The following PHACTR1 variants were observed in gnomAD, a reference collection of about 807,000 sequenced individuals.
The protein encoded by PHACTR1 is phosphatase and actin regulator 1.
PHACTR1 carries 16 observed loss-of-function variants against 69.2 expected under a neutral mutation model. That is an observed-to-expected ratio of 0.23 (90% CI 0.16 to 0.35). PHACTR1 has a LOEUF of 0.35. PHACTR1 is among the 10% of genes least tolerant of loss of function. PHACTR1 has a pLI of 1.00. For missense variants in PHACTR1, 510 were observed against 734.7 expected, an observed-to-expected ratio of 0.69 and a Z score of 3.54; for synonymous variants, 312 against 284.5, an observed-to-expected ratio of 1.10 and a Z score of -0.97.
At chr6:13,168,466 G>A (rs9473572) in intron 6 of PHACTR1, among the ~76,000 whole-genome samples, 9,231 of 152,190 alleles carry the variant, frequency 0.061, 760 homozygotes, top group African/African-American at 0.18. Context: ...TTCATTATAT[G>A]TCTGTGAGTG....
At position 12,882,476 on chromosome 6, in the gene PHACTR1, C is replaced by CA. The variant is rs200519697; in HGVS notation, c.250+132694dup. On this transcript the variant is annotated intron_variant, in intron 4 of 14. Coordinates refer to ENST00000332995, the MANE Select transcript of PHACTR1 (RefSeq NM_030948.6). ...ACCTATGAAAAGAAATATAAAAATACAAAAAAAAGAAGAAGAAGAATGCCA... is the reference window on the plus strand; with the variant it reads ...ACCTATGAAAAGAAATATAAAAATACAAAAAAAAAGAAGAAGAAGAATGCCA... 3.2e-3 allele frequency among the ~76,000 whole-genome samples: 483 copies of CA among 151,256 alleles called. 5 individuals carry two copies. The highest frequency in any genetic ancestry group is 0.01 in the African/African-American group (424 of 41,264).
intron 5 of PHACTR1, among the ~76,000 whole-genome samples, chr6:13,057,936 A>G (rs980661712): frequency 1.1e-4 from 17 of 152,206 alleles, no homozygotes; most frequent in Admixed American, 6.5e-5. Flanking sequence ...AGTAGCTCTC[A>G]GCAGAAGTCC....
At chr6:13,197,045 T>C (rs1162583166) in intron 7 of PHACTR1, among the ~76,000 whole-genome samples, 2 of 152,202 alleles carry the variant, frequency 1.3e-5, no homozygotes, top group Non-Finnish European at 2.9e-5. Flanking sequence ...TTAGCAACAC[T>C]GCAGCTATAT....
intron 8 of PHACTR1, among the ~76,000 whole-genome samples, chr6:13,206,373 A>G (rs1298660035): frequency 1.3e-5 from 2 of 152,244 alleles, no homozygotes; most frequent in African/African-American, 4.8e-5. Context: ...ACATTCATGT[A>G]TATATGTATA....
chr6:12,777,625 C>CTTTT (rs869096915), intron 4 of PHACTR1, among the ~76,000 whole-genome samples: 2,144 of 98,924 alleles, frequency 0.022, 21 homozygotes, highest in East Asian at 0.054. Context: ...CTTTCTTCTT[C>CTTTT]TTTTTTTTTT....
chr6:13,058,459 G>C (rs1418293493), intron 5 of PHACTR1, among the ~76,000 whole-genome samples: 1 of 152,150 alleles, frequency 6.6e-6, no homozygotes, highest in Admixed American at 6.5e-5. Flanking sequence ...AACTTTTACT[G>C]AGTGTCCACC....
At chr6:13,226,026 C>T (rs1769609368) in intron 8 of PHACTR1, among the ~76,000 whole-genome samples, 1 of 152,200 alleles carries the variant, frequency 6.6e-6, no homozygotes, top group Non-Finnish European at 1.5e-5. Context: ...CCCTCCTGCT[C>T]CCATTGTCAT....
chr6:13,174,498 G>A (rs539651326), intron 6 of PHACTR1, among the ~76,000 whole-genome samples: 1 of 152,274 alleles, frequency 6.6e-6, no homozygotes, highest in South Asian at 2.1e-4. Flanking sequence ...TTGTCGCATG[G>A]CACTTCACTT....
chr6:12,924,976 A>G (rs1788120474), intron 4 of PHACTR1, among the ~76,000 whole-genome samples: 1 of 152,078 alleles, frequency 6.6e-6, no homozygotes, highest in Non-Finnish European at 1.5e-5. Context: ...TTATGACAGA[A>G]ATCATCTGTG....
At chr6:12,786,024 A>T (rs1188393611) in intron 4 of PHACTR1, among the ~76,000 whole-genome samples, 2 of 152,230 alleles carry the variant, frequency 1.3e-5, no homozygotes, top group Non-Finnish European at 2.9e-5. Context: ...CAAAGGGAAA[A>T]TAAAAACTTC....
At chr6:12,973,499 GAACA>G (rs1057377139) in intron 4 of PHACTR1, among the ~76,000 whole-genome samples, 3 of 152,154 alleles carry the variant, frequency 2.0e-5, no homozygotes, top group African/African-American at 2.4e-5. Flanking sequence ...GGACAAATGG[GAACA>G]AACAGACACG....
At chr6:12,967,307 G>A (rs2127576382) in intron 4 of PHACTR1, among the ~76,000 whole-genome samples, 1 of 152,260 alleles carries the variant, frequency 6.6e-6, no homozygotes, top group Admixed American at 6.5e-5. Flanking sequence ...CACATGGAAG[G>A]TGCTCTCTCC....
intron 8 of PHACTR1, among the ~76,000 whole-genome samples, chr6:13,226,521 GAT>G (rs1769732311): frequency 6.6e-6 from 1 of 152,030 alleles, no homozygotes; most frequent in South Asian, 2.1e-4. Context: ...TTAAATGAAA[GAT>G]ATAAATTCCA....
At chr6:12,834,943 T>TA (rs1561928940) in intron 4 of PHACTR1, among the ~76,000 whole-genome samples, 3 of 152,056 alleles carry the variant, frequency 2.0e-5, no homozygotes, top group Admixed American at 2.0e-4. Context: ...ACCCTCTTCG[T>TA]AAAAATGTAT....
intron 4 of PHACTR1, among the ~76,000 whole-genome samples, chr6:12,866,875 G>A (rs531325181): frequency 1.3e-5 from 2 of 152,162 alleles, no homozygotes; most frequent in Non-Finnish European, 2.9e-5. Context: ...CTGTTGAACC[G>A]AAACAAAGCT....
chr6:12,829,005 G>C (rs1035271200), intron 4 of PHACTR1, among the ~76,000 whole-genome samples: 16 of 152,224 alleles, frequency 1.1e-4, no homozygotes, highest in African/African-American at 3.9e-4. Context: ...GGGTATCCTA[G>C]TTACCCTGAT....
chr6:13,082,189 T>C (rs1182957767), intron 5 of PHACTR1, among the ~76,000 whole-genome samples: 1 of 152,088 alleles, frequency 6.6e-6, no homozygotes, highest in African/African-American at 2.4e-5. Flanking sequence ...CCTTTTTCCT[T>C]CCACCGTTAG....
intron 4 of PHACTR1, among the ~76,000 whole-genome samples, chr6:12,888,910 T>C (rs925223799): frequency 1.3e-5 from 2 of 152,226 alleles, no homozygotes; most frequent in Non-Finnish European, 2.9e-5. Flanking sequence ...ATTTTCTTCT[T>C]TGATGAAATG....
At chr6:12,823,613 G>T (rs2127715592) in intron 4 of PHACTR1, among the ~76,000 whole-genome samples, 1 of 152,274 alleles carries the variant, frequency 6.6e-6, no homozygotes, top group South Asian at 2.1e-4. Context: ...GGAACCAAAT[G>T]ACCCTGTTAC....
Sources: gnomAD v4.1 joint callset for allele counts (sites outside exome capture counted in the v4.1 genomes callset) on GRCh38, gnomAD v4.1.1 for gene constraint, MANE v1.5 for transcripts, NCBI Gene and HGNC (gene_info 2026-07-23, HGNC 2026-07-21) for gene names.